Variants in CARMIL1 observed in about 807,000 individuals in gnomAD.
CARMIL1 encodes capping protein regulator and myosin 1 linker 1.
A neutral mutation model predicts 177.1 loss-of-function variants in CARMIL1; 90 were observed. That is an observed-to-expected ratio of 0.51 (90% CI 0.43 to 0.61). CARMIL1 has a LOEUF of 0.61. CARMIL1 is among the 20% of genes least tolerant of loss of function. The probability of loss-of-function intolerance (pLI) is 0.00; values close to 1 mark genes in which losing one functional copy is unlikely to be tolerated. For missense variants in CARMIL1, 1,380 were observed against 1,667.0 expected, an observed-to-expected ratio of 0.83 and a Z score of 3.00; for synonymous variants, 577 against 606.2, an observed-to-expected ratio of 0.95 and a Z score of 0.71.
intron 2 of CARMIL1, among the ~76,000 whole-genome samples, chr6:25,288,759 TCA>T (rs1781717900): frequency 6.6e-6 from 1 of 152,180 alleles, no homozygotes; most frequent in Non-Finnish European, 1.5e-5. Flanking sequence ...GAGGGTTTAT[TCA>T]CAGTTTGTGG....
At chr6:25,502,193 G>A in intron 17 of CARMIL1, among the ~76,000 whole-genome samples, 1 of 151,316 alleles carries the variant, frequency 6.6e-6, no homozygotes, top group African/African-American at 2.4e-5. Flanking sequence ...ATTTTTAATT[G>A]GGGGAGGAGT....
chr6:25,532,552 A>G (rs1403186931), intron 24 of CARMIL1, among the ~76,000 whole-genome samples: 2 of 152,198 alleles, frequency 1.3e-5, no homozygotes, highest in Admixed American at 6.5e-5. Context: ...AAACCTGAAT[A>G]TAGAAAGGAT....
intron 4 of CARMIL1, among the ~76,000 whole-genome samples, chr6:25,433,601 A>G (rs2150755895): frequency 6.6e-6 from 1 of 152,330 alleles, no homozygotes; most frequent in South Asian, 2.1e-4. Context: ...TACCTCTTGA[A>G]CCAGCTTTTA....
At position 25,557,765 on chromosome 6, in the gene CARMIL1, G is replaced by A. The variant is rs184161525; in HGVS notation, c.2742+915G>A. ...TGAACACCAAGGATCTGATATGGCC[G>A]ATATTACTTTTCTAACCTAGGAGGG... On this transcript the variant is annotated intron_variant, in intron 29 of 36. Coordinates refer to ENST00000329474, the MANE Select transcript of CARMIL1 (RefSeq NM_017640.6). Among the ~76,000 whole-genome samples, 353 of 152,206 alleles carry A rather than the reference G, an allele frequency of 2.3e-3. 2 individuals are homozygous for A. Among genetic ancestry groups the A allele is most frequent in the Non-Finnish European group, 2.9e-3 (194 of 67,974 alleles).
At chr6:25,570,294 A>G (rs547600715) in intron 29 of CARMIL1, among the ~76,000 whole-genome samples, 76 of 152,342 alleles carry the variant, frequency 5.0e-4, no homozygotes, top group African/African-American at 1.8e-3. Flanking sequence ...TTATAATGCT[A>G]CAGGGATATA....
intron 2 of CARMIL1, among the ~76,000 whole-genome samples, chr6:25,329,352 A>G (rs1785398696): frequency 6.6e-6 from 1 of 152,172 alleles, no homozygotes; most frequent in African/African-American, 2.4e-5. Context: ...TGCCATCCCG[A>G]AAGCACCCTA....
intron 1 of CARMIL1, among the ~76,000 whole-genome samples, chr6:25,282,542 C>T (rs1470450016): frequency 6.6e-6 from 1 of 152,136 alleles, no homozygotes; most frequent in Non-Finnish European, 1.5e-5. Flanking sequence ...CAGCTCTAAA[C>T]TTTCATGGCG....
chr6:25,449,411 A>C (rs939722826), intron 5 of CARMIL1, among the ~76,000 whole-genome samples: 6 of 152,154 alleles, frequency 3.9e-5, no homozygotes, highest in African/African-American at 1.4e-4. Flanking sequence ...GGAGCTGCAT[A>C]TGTTCTCTGC....
Position 25,483,864 on chromosome 6 carries a change from C to T in CARMIL1, c.961+1521C>T, listed in dbSNP as rs371062586. On this transcript the variant is annotated intron_variant, in intron 12 of 36. Coordinates refer to ENST00000329474, the MANE Select transcript of CARMIL1 (RefSeq NM_017640.6). The stretch of plus-strand genomic sequence containing the variant: ...CTTATTGCAGCCTCAACCTCCTGGG[C>T]TCAAGCGATCCTCCCGCCTCAGCCC... 6.5e-3 allele frequency among the ~76,000 whole-genome samples: 996 copies of T among 152,092 alleles called. 15 individuals carry two copies. Among genetic ancestry groups the T allele is most frequent in the African/African-American group, 0.02 (825 of 41,484 alleles).
chr6:25,616,098 GTAAA>G (rs1170040764), intron 36 of CARMIL1, among the ~76,000 whole-genome samples: 1 of 152,146 alleles, frequency 6.6e-6, no homozygotes, highest in African/African-American at 2.4e-5. Context: ...TGATAAATAT[GTAAA>G]TAGACACACG....
At chr6:25,308,361 G>T (rs969472466) in intron 2 of CARMIL1, among the ~76,000 whole-genome samples, 2 of 151,080 alleles carry the variant, frequency 1.3e-5, no homozygotes, top group African/African-American at 4.9e-5. Context: ...TCCGTGAGAA[G>T]GACTATTGTA....
intron 29 of CARMIL1, among the ~76,000 whole-genome samples, chr6:25,571,735 C>T (rs556004888): frequency 1.3e-5 from 2 of 152,156 alleles, no homozygotes; most frequent in South Asian, 2.1e-4. Context: ...CACAGCATCC[C>T]GTATGTGGTA....
chr6:25,475,721 A>G (rs1801511559), intron 11 of CARMIL1, among the ~76,000 whole-genome samples: 1 of 152,218 alleles, frequency 6.6e-6, no homozygotes, highest in Non-Finnish European at 1.5e-5. Context: ...AACACCACAC[A>G]TTGTTTGGGG....
intron 2 of CARMIL1, among the ~76,000 whole-genome samples, chr6:25,418,804 G>A (rs1795589331): frequency 6.6e-6 from 1 of 152,086 alleles, no homozygotes; most frequent in Non-Finnish European, 1.5e-5. Context: ...CTGTGACGGT[G>A]GCATTTGGGT....
At chr6:25,287,841 C>T (rs758180714) in intron 2 of CARMIL1, among the ~76,000 whole-genome samples, 15 of 152,222 alleles carry the variant, frequency 9.9e-5, no homozygotes, top group Admixed American at 1.3e-4. Flanking sequence ...TGACTTCAAA[C>T]AATGATAGGG....
intron 2 of CARMIL1, among the ~76,000 whole-genome samples, chr6:25,393,831 G>A (rs1416854780): frequency 2.0e-5 from 3 of 151,874 alleles, no homozygotes; most frequent in Non-Finnish European, 2.9e-5. Context: ...ACTCTAGCCT[G>A]GGCAACAGAG....
At position 25,490,880 on chromosome 6, in the gene CARMIL1, A is replaced by G. The variant is rs547328635; in HGVS notation, c.1066-852A>G. On this transcript the variant is annotated intron_variant, in intron 13 of 36. Coordinates refer to ENST00000329474, the MANE Select transcript of CARMIL1 (RefSeq NM_017640.6). ...GCACCATATAGCCAAACTGCTACAC[A>G]TAGTAAATGTTTGCAAGGACGTACT... Among the ~76,000 whole-genome samples, 82 of 152,218 alleles carry G rather than the reference A, an allele frequency of 5.4e-4. 1 individual carries two copies. The highest frequency in any genetic ancestry group is 1.2e-3 in the South Asian group (6 of 4,832).
At chr6:25,550,662 C>G (rs1809998434) in intron 26 of CARMIL1, among the ~76,000 whole-genome samples, 1 of 152,128 alleles carries the variant, frequency 6.6e-6, no homozygotes, top group African/African-American at 2.4e-5. Context: ...CATAACACTT[C>G]AGATGCCAGC....
chr6:25,290,320 C>G (rs1781845718), intron 2 of CARMIL1, among the ~76,000 whole-genome samples: 1 of 151,790 alleles, frequency 6.6e-6, no homozygotes, highest in South Asian at 2.1e-4. Context: ...TTCTTGAACT[C>G]CTGGGTTCAA....
Sources: gnomAD v4.1 joint callset for allele counts (sites outside exome capture counted in the v4.1 genomes callset) on GRCh38, gnomAD v4.1.1 for gene constraint, MANE v1.5 for transcripts, NCBI Gene and HGNC (gene_info 2026-07-23, HGNC 2026-07-21) for gene names.